Variants in WWOX observed in about 807,000 individuals in gnomAD.
WWOX encodes the protein WW domain containing oxidoreductase.
A neutral mutation model predicts 46.2 loss-of-function variants in WWOX; 69 were observed. That is an observed-to-expected ratio of 1.49 (90% CI 1.23 to 1.82). The LOEUF is 1.82. Ranked by LOEUF, WWOX falls within the 40% of genes most tolerant of loss-of-function variation. The probability of loss-of-function intolerance (pLI) is 0.00; values close to 1 mark genes in which losing one functional copy is unlikely to be tolerated. For missense variants in WWOX, 919 were observed against 542.6 expected (o/e 1.69, Z -6.89); for synonymous variants, 359 against 202.6 (o/e 1.77, Z -6.56).
chr16:78,456,725 G>GAAT (rs1330934928), intron 8 of WWOX, among the ~76,000 whole-genome samples: 2 of 152,280 alleles, frequency 1.3e-5, no homozygotes, highest in African/African-American at 4.8e-5. Context: ...AGAAAAGGTA[G>GAAT]AATATCCACA....
At chr16:78,756,758 A>G (rs775744831) in intron 8 of WWOX, among the ~76,000 whole-genome samples, 2 of 152,196 alleles carry the variant, frequency 1.3e-5, no homozygotes, top group Non-Finnish European at 2.9e-5. Flanking sequence ...AAGTTGGGGA[A>G]TGTGGCCTCT....
At chr16:79,020,246 C>T (rs566199604) in intron 8 of WWOX, among the ~76,000 whole-genome samples, 3 of 152,290 alleles carry the variant, frequency 2.0e-5, no homozygotes, top group Admixed American at 1.3e-4. Context: ...CTGCAAGGCG[C>T]AGTGCTGGAT....
At position 78,432,588 on chromosome 16, in the gene WWOX, C is replaced by T. The variant is rs371364838; in HGVS notation, c.892C>T (p.Leu298Phe). ...GATGCTGGCTTATAACAGGTCCAAG[C>T]TCTGCAACATCCTCTTCTCCAACGA... is the stretch of plus-strand genomic sequence containing the variant. The part of the protein sequence containing the change: ...WAMLAYNRSK[L>F]CNILFSNELH... Residue 298 changes from leucine to phenylalanine, a missense_variant, in exon 8 of 9, where the codon CTC becomes TTC. Physicochemically the swap from Leu to Phe is conservative, Grantham distance 22. Coordinates refer to ENST00000566780, the MANE Select transcript of WWOX (RefSeq NM_016373.4). 5 of 1,614,186 alleles carry T rather than the reference C, an allele frequency of 3.1e-6. No individual in the cohort carries two copies. Among genetic ancestry groups the T allele is most frequent in the African/African-American group, 2.7e-5 (2 of 75,044 alleles).
chr16:78,850,780 T>C (rs1256322148), intron 8 of WWOX, among the ~76,000 whole-genome samples: 4 of 152,316 alleles, frequency 2.6e-5, no homozygotes, highest in African/African-American at 7.2e-5. Flanking sequence ...CAAACAGATA[T>C]TGATACCCCT....
intron 5 of WWOX, among the ~76,000 whole-genome samples, chr16:78,262,097 CAAAA>C (rs752161345): frequency 2.6e-4 from 16 of 62,610 alleles, no homozygotes; most frequent in South Asian, 7.9e-4. Context: ...GAAACTCTGT[CAAAA>C]AAAAAAAAAA....
At chr16:78,769,834 C>T (rs1424679291) in intron 8 of WWOX, among the ~76,000 whole-genome samples, 1 of 150,270 alleles carries the variant, frequency 6.7e-6, no homozygotes, top group Non-Finnish European at 1.5e-5. Flanking sequence ...TAGGGAGGTC[C>T]TGTCTCTACA....
intron 4 of WWOX, among the ~76,000 whole-genome samples, chr16:78,131,778 G>A (rs2033603380): frequency 6.6e-6 from 1 of 151,152 alleles, no homozygotes; most frequent in South Asian, 2.1e-4. Flanking sequence ...TAGAGATGGG[G>A]TTTCACCATG....
At chr16:78,772,354 C>G (rs181341901) in intron 8 of WWOX, among the ~76,000 whole-genome samples, 4 of 152,174 alleles carry the variant, frequency 2.6e-5, no homozygotes, top group East Asian at 1.9e-4. Flanking sequence ...CGTCCGTGTT[C>G]TCGCAGAAGA....
chr16:78,314,695 T>TG (rs1226128221), intron 5 of WWOX, among the ~76,000 whole-genome samples: 8 of 66,160 alleles, frequency 1.2e-4, no homozygotes, highest in East Asian at 4.5e-3. Flanking sequence ...GGGGTTTTTT[T>TG]TTTTTGTTTT....
intron 4 of WWOX, among the ~76,000 whole-genome samples, chr16:78,157,401 T>C (rs894171844): frequency 4.6e-5 from 7 of 152,184 alleles, no homozygotes; most frequent in African/African-American, 1.7e-4. Context: ...TCACTGGTGA[T>C]AAGGGGTGAC....
chr16:78,455,792 TAAA>T (rs79273884), intron 8 of WWOX, among the ~76,000 whole-genome samples: 6 of 120,182 alleles, frequency 5.0e-5, no homozygotes, highest in Admixed American at 7.6e-5. Flanking sequence ...AGGTGAAGGT[TAAA>T]AAAAAAAAAA....
At chr16:78,947,682 A>G (rs1391297024) in intron 8 of WWOX, among the ~76,000 whole-genome samples, 9 of 152,216 alleles carry the variant, frequency 5.9e-5, no homozygotes, top group Admixed American at 2.6e-4. Context: ...CAATAAAGCA[A>G]TTGCTTTGTC....
chr16:78,102,064 G>C (rs980854419), intron 1 of WWOX, among the ~76,000 whole-genome samples: 1 of 152,130 alleles, frequency 6.6e-6, no homozygotes, highest in African/African-American at 2.4e-5. Context: ...GGGACCACAG[G>C]TGTGTGCCTC....
At chr16:78,611,017 G>C (rs1444943026) in intron 8 of WWOX, among the ~76,000 whole-genome samples, 1 of 152,170 alleles carries the variant, frequency 6.6e-6, no homozygotes, top group Non-Finnish European at 1.5e-5. Context: ...GAAGCAGGCA[G>C]AGTTGCAATA....
At chr16:78,961,102 T>A (rs1440527840) in intron 8 of WWOX, among the ~76,000 whole-genome samples, 2 of 152,128 alleles carry the variant, frequency 1.3e-5, no homozygotes, top group African/African-American at 2.4e-5. Flanking sequence ...ATGGTGCAAG[T>A]TCCCCTGAAA....
chr16:78,625,808 G>A (rs951901172), intron 8 of WWOX, among the ~76,000 whole-genome samples: 3 of 124,980 alleles, frequency 2.4e-5, no homozygotes, highest in African/African-American at 6.0e-5. Context: ...GGCAAAAACT[G>A]CAAAAGTAAT....
At chr16:78,828,801 G>C (rs922898478) in intron 8 of WWOX, among the ~76,000 whole-genome samples, 5 of 152,148 alleles carry the variant, frequency 3.3e-5, no homozygotes, top group African/African-American at 1.2e-4. Flanking sequence ...TTTAGCCTCA[G>C]CTGGATTGGA....
chr16:78,975,135 C>A (rs1358419585), intron 8 of WWOX, among the ~76,000 whole-genome samples: 4 of 152,156 alleles, frequency 2.6e-5, no homozygotes, highest in Non-Finnish European at 5.9e-5. Context: ...AAAAGATACT[C>A]CAGTCCTTAA....
At chr16:78,131,337 G>C (rs1395234189) in intron 4 of WWOX, among the ~76,000 whole-genome samples, 1 of 152,136 alleles carries the variant, frequency 6.6e-6, no homozygotes, top group Non-Finnish European at 1.5e-5. Context: ...TCAGCCTCCT[G>C]AGTAGCTTGG....
Sources: gnomAD v4.1 joint callset for allele counts (sites outside exome capture counted in the v4.1 genomes callset) on GRCh38, gnomAD v4.1.1 for gene constraint, MANE v1.5 for transcripts, NCBI Gene and HGNC (gene_info 2026-07-23, HGNC 2026-07-21) for gene names.